The following GNB4 variants were observed in gnomAD, a reference collection of about 807,000 sequenced individuals.
GNB4 encodes the protein guanine nucleotide-binding protein subunit beta-4.
In GNB4, 28 loss-of-function variants were observed where a neutral mutation model predicts 45.2. The observed-to-expected ratio is 0.62, with a 90% CI of 0.46 to 0.85. GNB4 has a LOEUF of 0.85. Among genes scored for constraint, GNB4 ranks in the 40% least tolerant of loss-of-function variants. The pLI is 0.00. For synonymous variants in GNB4, 132 were observed against 143.7 expected, an observed-to-expected ratio of 0.92 and a Z score of 0.58; for missense variants, 321 against 425.4, an observed-to-expected ratio of 0.75 and a Z score of 2.16.
the GNB4 span, among the ~76,000 whole-genome samples, chr3:179,523,510 G>T: frequency 2.0e-5 from 3 of 152,194 alleles, no homozygotes; most frequent in African/African-American, 7.2e-5. Flanking sequence ...AAAACAATTT[G>T]GTTGATAAAG....
chr3:179,439,437 G>A (rs1715542447), intron 1 of GNB4, among the ~76,000 whole-genome samples: 1 of 152,100 alleles, frequency 6.6e-6, no homozygotes. Flanking sequence ...CTCCCATTAT[G>A]GTTCCTAGAT....
chr3:179,509,893 CT>C, the GNB4 span, among the ~76,000 whole-genome samples: 1 of 152,308 alleles, frequency 6.6e-6, no homozygotes, highest in Admixed American at 6.5e-5. Context: ...TCATGGCTCA[CT>C]GCAACCTCAG....
At chr3:179,472,805 T>C in the GNB4 span, among the ~76,000 whole-genome samples, 3 of 152,234 alleles carry the variant, frequency 2.0e-5, no homozygotes, top group African/African-American at 4.8e-5. Context: ...ATTCTAACAC[T>C]TTTTTCCTAC....
rs1455246112 is a variant in GNB4, at chr3:179,398,744, T to C, written c.*2469A>G. The C allele has an allele frequency of 1.3e-5, 2 of 149,470 alleles. No homozygotes were observed. The highest frequency in any genetic ancestry group is 3.8e-4 in the East Asian group (2 of 5,200). The allele number at this position is 149,470 out of a possible 1,614,324, so 9.3% of individuals were successfully genotyped here. ...ATATATTTAGCAACTGGAGCCCCTA[T>C]TATTAGAAAGCAAAGGTGTAACCAT... On this transcript the variant is annotated 3_prime_UTR_variant, in exon 10 of 10. Transcript: ENST00000232564.
chr3:179,505,111 T>C, the GNB4 span, among the ~76,000 whole-genome samples: 3 of 152,050 alleles, frequency 2.0e-5, no homozygotes, highest in East Asian at 1.9e-4. Context: ...TAACCTGCAG[T>C]GAACAGCAAC....
At chr3:179,495,287 G>C in the GNB4 span, among the ~76,000 whole-genome samples, 1 of 151,858 alleles carries the variant, frequency 6.6e-6, no homozygotes, top group Non-Finnish European at 1.5e-5. Context: ...ACCAGCCTGG[G>C]CAACATGGCA....
At chr3:179,412,461 G>C (rs909202936) in intron 8 of GNB4, among the ~76,000 whole-genome samples, 5 of 152,032 alleles carry the variant, frequency 3.3e-5, no homozygotes, top group African/African-American at 1.2e-4. Flanking sequence ...CTGGGCAACG[G>C]AATGAGACCC....
At chr3:179,465,959 A>AAACAGAG in the GNB4 span, among the ~76,000 whole-genome samples, 3 of 148,866 alleles carry the variant, frequency 2.0e-5, no homozygotes, top group East Asian at 6.0e-4. Context: ...ACCCACGCCC[A>AAACAGAG]AACAGAGGTT....
intron 3 of GNB4, 88 bp from the exon 4 acceptor site, chr3:179,419,593 C>T (rs1714916501): frequency 1.2e-6 from 1 of 825,320 alleles, no homozygotes; most frequent in East Asian, 2.4e-5. Context: ...GTTAAAAAAG[C>T]AAACATAAAG....
At chr3:179,468,035 A>AAATATAAAAAAAAAATATAT in the GNB4 span, among the ~76,000 whole-genome samples, 1 of 89,856 alleles carries the variant, frequency 1.1e-5, no homozygotes, top group African/African-American at 4.0e-5. Context: ...TGTTGATAAA[A>AAATATAAAAAAAAAATATAT]ATATATATAT....
At position 179,397,306 on chromosome 3, in the gene GNB4, A is replaced by C. The variant is rs1714147048; in HGVS notation, c.*3907T>G. 1 of 152,246 alleles carries C rather than the reference A, an allele frequency of 6.6e-6. No individual in the cohort carries two copies. Among genetic ancestry groups the C allele is most frequent in the African/African-American group, 2.4e-5 (1 of 41,464 alleles). 9.4% of individuals were successfully genotyped at this position (152,246 alleles called of 1,614,324 possible). A position where few individuals can be genotyped will look rare whatever the true frequency, so the allele number is the denominator to read the frequency against. On this transcript the variant is annotated 3_prime_UTR_variant, in exon 10 of 10. Coordinates refer to ENST00000232564, the MANE Select transcript of GNB4 (RefSeq NM_021629.4). ...CTTAAGGTCTTATTATTAAATCCAA[A>C]ATACCAAAAGTATTAGAGGAGCTAG...
chr3:179,521,589 C>T, the GNB4 span, among the ~76,000 whole-genome samples: 3 of 152,182 alleles, frequency 2.0e-5, no homozygotes, highest in African/African-American at 4.8e-5. Flanking sequence ...CTCTTGTTTA[C>T]GCTGCCAGTT....
At chr3:179,491,076 T>C in the GNB4 span, among the ~76,000 whole-genome samples, 1 of 152,292 alleles carries the variant, frequency 6.6e-6, no homozygotes, top group South Asian at 2.1e-4. Context: ...GCAGCTATTA[T>C]AAAAATTCTC....
At position 179,405,410 on chromosome 3, in the gene GNB4, G is replaced by T; in HGVS notation, c.700-4C>A. 1 of 1,595,384 alleles carries T rather than the reference G, an allele frequency of 6.3e-7. No individual in the cohort carries two copies. Among genetic ancestry groups the T allele is most frequent in the African/African-American group, 1.3e-5 (1 of 74,450 alleles). On this transcript the variant is annotated splice_region_variant and splice_polypyrimidine_tract_variant and intron_variant, in intron 8 of 9. Transcript: ENST00000232564. The stretch of plus-strand genomic sequence containing the variant: ...AGGCATATCCATTTGGGAAAAACTA[G>T]ACAGGAAAGTAACAAACATTTATTC...
At chr3:179,434,804 C>T (rs1715401905) in intron 1 of GNB4, among the ~76,000 whole-genome samples, 2 of 151,874 alleles carry the variant, frequency 1.3e-5, no homozygotes, top group Admixed American at 1.3e-4. Flanking sequence ...GTTCCAGCAA[C>T]TCCAACGGCT....
the GNB4 span, among the ~76,000 whole-genome samples, chr3:179,479,502 G>C: frequency 6.6e-6 from 1 of 152,116 alleles, no homozygotes; most frequent in Non-Finnish European, 1.5e-5. Flanking sequence ...ACTGACTATA[G>C]CACCTCCACT....
chr3:179,493,359 G>A, the GNB4 span, among the ~76,000 whole-genome samples: 1 of 151,936 alleles, frequency 6.6e-6, no homozygotes, highest in South Asian at 2.1e-4. Flanking sequence ...AACAAAATTA[G>A]TTCAACAGAG....
At chr3:179,494,271 A>G in the GNB4 span, among the ~76,000 whole-genome samples, 2 of 151,508 alleles carry the variant, frequency 1.3e-5, no homozygotes, top group African/African-American at 4.8e-5. Flanking sequence ...GGAAGAAAGA[A>G]AGAAAGAGAA....
At chr3:179,457,435 A>G in the GNB4 span, among the ~76,000 whole-genome samples, 1 of 152,172 alleles carries the variant, frequency 6.6e-6, no homozygotes, top group Non-Finnish European at 1.5e-5. Flanking sequence ...AGTACTTTGT[A>G]TGATTCAGAG....
Sources: allele counts gnomAD v4.1 joint callset (sites outside exome capture counted in the v4.1 genomes callset), GRCh38; gene constraint gnomAD v4.1.1; transcripts MANE v1.5; gene names NCBI Gene and HGNC (gene_info 2026-07-23, HGNC 2026-07-21).